Variants in NRXN1 observed in about 807,000 individuals in gnomAD.
NRXN1 encodes the protein neurexin-1.
In NRXN1, 39 loss-of-function variants were observed where a neutral mutation model predicts 150.9. The observed-to-expected ratio is 0.26, with a 90% CI of 0.20 to 0.34. The LOEUF (loss-of-function observed/expected upper bound fraction) is 0.34. Among genes scored for constraint, NRXN1 ranks in the 10% least tolerant of loss-of-function variants. NRXN1 has a pLI of 1.00. For missense variants in NRXN1, 1,815 were observed against 1,949.9 expected (o/e 0.93, Z 1.30); for synonymous variants, 924 against 757.0 (o/e 1.22, Z -3.62).
intron 19 of NRXN1, among the ~76,000 whole-genome samples, chr2:50,070,613 A>C (rs1696112888): frequency 6.6e-6 from 1 of 151,842 alleles, no homozygotes; most frequent in African/African-American, 2.4e-5. Flanking sequence ...TACTAAAAAT[A>C]CAAAAAATTA....
intron 10 of NRXN1, among the ~76,000 whole-genome samples, chr2:50,535,640 C>T (rs2093237941): frequency 1.3e-5 from 2 of 152,196 alleles, no homozygotes; most frequent in South Asian, 2.1e-4. Context: ...AGGGAAGGCG[C>T]TAAATTTAAC....
chr2:51,026,562 C>T (rs1670506488), intron 2 of NRXN1: 1 of 767,728 alleles, frequency 1.3e-6, no homozygotes, highest in Non-Finnish European at 2.2e-6. Flanking sequence ...ACAACTTGGC[C>T]TCCACTACCC....
At chr2:50,975,738 C>T (rs71411521) in intron 2 of NRXN1, among the ~76,000 whole-genome samples, 14,731 of 152,044 alleles carry the variant, frequency 0.097, 952 homozygotes, top group Non-Finnish European at 0.15. Flanking sequence ...CACGGGAATG[C>T]GAATTATGTG....
chr2:50,403,958 T>C (rs1285184431), intron 17 of NRXN1, among the ~76,000 whole-genome samples: 1 of 152,110 alleles, frequency 6.6e-6, no homozygotes, highest in African/African-American at 2.4e-5. Flanking sequence ...GGAAGTGGAC[T>C]GCTATACTAG....
At chr2:50,267,073 T>G (rs573952951) in intron 17 of NRXN1, among the ~76,000 whole-genome samples, 111 of 152,278 alleles carry the variant, frequency 7.3e-4, no homozygotes, top group East Asian at 1.5e-3. Flanking sequence ...GTGATTCTGT[T>G]TTTCTGAGGC....
chr2:50,938,693 T>C (rs1054606887), intron 2 of NRXN1, among the ~76,000 whole-genome samples: 1 of 152,156 alleles, frequency 6.6e-6, no homozygotes, highest in African/African-American at 2.4e-5. Context: ...CTCAAGAAAC[T>C]TAAAATTTCA....
At chr2:50,539,151 A>G (rs2093334705) in intron 9 of NRXN1, among the ~76,000 whole-genome samples, 1 of 145,240 alleles carries the variant, frequency 6.9e-6, no homozygotes, top group African/African-American at 2.6e-5. Context: ...GTATAAACCT[A>G]TTGATTAACT....
chr2:50,844,129 G>C (rs998764229), intron 5 of NRXN1, among the ~76,000 whole-genome samples: 2 of 152,084 alleles, frequency 1.3e-5, no homozygotes, highest in African/African-American at 4.8e-5. Flanking sequence ...TTTAATACTA[G>C]TCTTGCAAGA....
At chr2:49,988,849 G>C (rs7569404) in intron 21 of NRXN1, among the ~76,000 whole-genome samples, 72,063 of 151,944 alleles carry the variant, frequency 0.47, 17,667 homozygotes, top group Middle Eastern at 0.61. Flanking sequence ...TCTAAATTAA[G>C]TAAATTGCAA....
At chr2:50,208,628 T>C (rs2062787258) in intron 18 of NRXN1, among the ~76,000 whole-genome samples, 1 of 152,066 alleles carries the variant, frequency 6.6e-6, no homozygotes, top group African/African-American at 2.4e-5. Flanking sequence ...GCAGGGGCTG[T>C]ACTCCACCCT....
intron 17 of NRXN1, among the ~76,000 whole-genome samples, chr2:50,353,577 G>C (rs868434276): frequency 3.3e-4 from 50 of 152,098 alleles, no homozygotes; most frequent in African/African-American, 1.1e-3. Flanking sequence ...AACGCTAAAT[G>C]TAATGAAATT....
rs200357811 is a variant in NRXN1 at position 51,027,572 on chromosome 2, G to A, written c.702C>T (p.Cys234=). ...ACACGGCCTGGTCGTCCACCACGGA[G>A]CACACACCTCCGTTGAGGCACACCC... ...EGGVCLNGGV[C]SVVDDQAVCD... Residue 234 remains cysteine (C), a synonymous_variant, in exon 2 of 23, where the codon TGC becomes TGT. Coordinates refer to ENST00000401669, the MANE Select transcript of NRXN1 (RefSeq NM_001330078.2). 1.8e-5 allele frequency: 29 copies of A among 1,604,980 alleles called. No individual in the cohort carries two copies. Among genetic ancestry groups the A allele is most frequent in the Non-Finnish European group, 2.4e-5 (28 of 1,174,300 alleles).
intron 5 of NRXN1, among the ~76,000 whole-genome samples, chr2:50,627,637 CG>C: frequency 6.6e-6 from 1 of 151,416 alleles, no homozygotes; most frequent in Admixed American, 6.6e-5. Flanking sequence ...CACACACACA[CG>C]AGAGATCCAC....
At chr2:49,945,876 G>A (rs1387030504) in intron 21 of NRXN1, among the ~76,000 whole-genome samples, 2 of 152,130 alleles carry the variant, frequency 1.3e-5, no homozygotes. Flanking sequence ...ATAGTAAAAT[G>A]ATTTATAATC....
At position 50,517,767 on chromosome 2, in the gene NRXN1, T is replaced by C. The variant is rs746639915; in HGVS notation, c.2374+10858A>G. ...TTAGAAATTGGGGGAACTCAAAACTTACTGAGTATTTAATTATAAAAAAAC... is the reference window on the plus strand; with the variant it reads ...TTAGAAATTGGGGGAACTCAAAACTCACTGAGTATTTAATTATAAAAAAAC... On this transcript the variant is annotated intron_variant, in intron 12 of 22. Coordinates refer to ENST00000401669, the MANE Select transcript of NRXN1 (RefSeq NM_001330078.2). Among the ~76,000 whole-genome samples the C allele has an allele frequency of 3.9e-5, 6 of 152,248 alleles. No homozygotes were observed. The South Asian group carries it at 1.2e-3, about 31-fold the overall frequency.
intron 17 of NRXN1, among the ~76,000 whole-genome samples, chr2:50,279,505 C>T (rs1289698245): frequency 6.6e-6 from 1 of 151,996 alleles, no homozygotes; most frequent in East Asian, 1.9e-4. Flanking sequence ...TGGTTGTCTG[C>T]CCCAGGATCA....
chr2:50,260,579 A>C lies in NRXN1; in HGVS notation c.3365-23609T>G, dbSNP rs577959338. Among the ~76,000 whole-genome samples the C allele has an allele frequency of 1.1e-3, 160 of 150,906 alleles. 1 individual carries two copies. Among genetic ancestry groups the C allele is most frequent in the Non-Finnish European group, 6.8e-4 (46 of 67,540 alleles). On this transcript the variant is annotated intron_variant, in intron 17 of 22. Transcript: ENST00000401669. ...AATTCCTATTCAATCACTTTTTTTA[A>C]TGCAAAGCAAACACCGATGACAAAA...
chr2:50,493,231 C>T (rs963580581), intron 15 of NRXN1, among the ~76,000 whole-genome samples: 2 of 152,118 alleles, frequency 1.3e-5, no homozygotes, highest in African/African-American at 4.8e-5. Context: ...CATGTCTGAG[C>T]GAAGAGTTCA....
Position 50,497,691 on chromosome 2 carries a change from T to A in NRXN1, c.2521A>T (p.Arg841Trp). The A allele has an allele frequency of 6.2e-7, 1 of 1,611,302 alleles. No homozygotes were observed. The highest frequency in any genetic ancestry group is 8.5e-7 in the Non-Finnish European group (1 of 1,177,876). ...MTGQMAGDHTRLEFHNIETGI... is the reference protein window; with the variant it reads ...MTGQMAGDHTWLEFHNIETGI... ...GTCTCTATGTTATGGAACTCCAGCC[T>A]AGTATGATCACCTGCCATTTGACCT... The change falls in exon 14 of 23, where the codon AGG (arginine) becomes TGG (tryptophan). Residue 841 changes from arginine (R) to tryptophan (W), a missense_variant. Coordinates refer to ENST00000401669, the MANE Select transcript of NRXN1 (RefSeq NM_001330078.2).
Sources: allele counts gnomAD v4.1 joint callset (sites outside exome capture counted in the v4.1 genomes callset), GRCh38; gene constraint gnomAD v4.1.1; transcripts MANE v1.5; gene names NCBI Gene and HGNC (gene_info 2026-07-23, HGNC 2026-07-21).